Variants in RAB38 observed in about 807,000 individuals in gnomAD.
The protein encoded by RAB38 is ras-related protein Rab-38.
RAB38 carries 15 observed loss-of-function variants against 18.4 expected under a neutral mutation model. The observed-to-expected ratio is 0.82, with a 90% CI of 0.55 to 1.26. The LOEUF is 1.26. Ranked by LOEUF, RAB38 falls within the 50% of genes most tolerant of loss-of-function variation. The pLI, the probability that RAB38 is intolerant of heterozygous loss-of-function variation, is 0.00. For missense variants in RAB38, 294 were observed against 267.4 expected (o/e 1.10, Z -0.69); for synonymous variants, 101 against 104.4 (o/e 0.97, Z 0.20).
chr11:87,947,583 A>T, the RAB38 span, among the ~76,000 whole-genome samples: 1 of 152,006 alleles, frequency 6.6e-6, no homozygotes, highest in Non-Finnish European at 1.5e-5. Context: ...TAAGGAAGGC[A>T]TCCAGTTTCA....
chr11:87,909,239 G>A, the RAB38 span, among the ~76,000 whole-genome samples: 12 of 151,956 alleles, frequency 7.9e-5, no homozygotes, highest in African/African-American at 2.9e-4. Flanking sequence ...ACTTGTATTA[G>A]CATTTACTAG....
the RAB38 span, among the ~76,000 whole-genome samples, chr11:88,024,908 CA>C: frequency 0.05 from 5,832 of 117,476 alleles, 142 homozygotes; most frequent in Middle Eastern, 0.085. Flanking sequence ...TTAATGGGCA[CA>C]AAAAAAATAG....
chr11:88,027,699 T>C, the RAB38 span, among the ~76,000 whole-genome samples: 3 of 152,246 alleles, frequency 2.0e-5, no homozygotes, highest in Middle Eastern at 0.01. Flanking sequence ...CAGGCTTGCT[T>C]AGGTAAACAA....
chr11:87,851,104 G>T, the RAB38 span, among the ~76,000 whole-genome samples: 2 of 152,170 alleles, frequency 1.3e-5, no homozygotes, highest in Non-Finnish European at 2.9e-5. Flanking sequence ...TTGAAAAAAA[G>T]TATAGACAGT....
At chr11:87,955,062 G>C in the RAB38 span, among the ~76,000 whole-genome samples, 1 of 152,210 alleles carries the variant, frequency 6.6e-6, no homozygotes, top group Non-Finnish European at 1.5e-5. Flanking sequence ...AAGAGCAGGA[G>C]CATAGTGGGA....
At chr11:87,920,871 C>G in the RAB38 span, among the ~76,000 whole-genome samples, 1 of 151,944 alleles carries the variant, frequency 6.6e-6, no homozygotes, top group South Asian at 2.1e-4. Context: ...TGAATTGATT[C>G]CTTTATCATT....
At chr11:88,078,517 G>GTGTGTGTGTA in the RAB38 span, among the ~76,000 whole-genome samples, 12 of 146,988 alleles carry the variant, frequency 8.2e-5, no homozygotes, top group African/African-American at 3.3e-4. Context: ...GTGTGTGTGT[G>GTGTGTGTGTA]TGTACAGTGG....
At chr11:88,136,102 G>T (rs551752572) in intron 2 of RAB38, among the ~76,000 whole-genome samples, 1 of 152,254 alleles carries the variant, frequency 6.6e-6, no homozygotes, top group South Asian at 2.1e-4. Flanking sequence ...ATTATCCCTA[G>T]GGCTATTCCA....
At chr11:87,916,285 T>A in the RAB38 span, among the ~76,000 whole-genome samples, 1 of 152,048 alleles carries the variant, frequency 6.6e-6, no homozygotes. Context: ...TGAAATTTGA[T>A]CCCCAATGTG....
the RAB38 span, among the ~76,000 whole-genome samples, chr11:87,849,204 G>A: frequency 6.6e-6 from 1 of 152,052 alleles, no homozygotes; most frequent in Non-Finnish European, 1.5e-5. Flanking sequence ...AGCAGTAAGG[G>A]CACAATACCC....
chr11:88,142,701 G>C (rs1304195483), intron 2 of RAB38, among the ~76,000 whole-genome samples: 1 of 152,172 alleles, frequency 6.6e-6, no homozygotes, highest in Non-Finnish European at 1.5e-5. Flanking sequence ...GCTGGACTTT[G>C]TTGGGCAAAA....
chr11:88,155,447 C>A (rs565183684), intron 1 of RAB38, among the ~76,000 whole-genome samples: 1 of 151,570 alleles, frequency 6.6e-6, no homozygotes, highest in South Asian at 2.1e-4. Context: ...GAAGCAAAAC[C>A]AAAAGACCCC....
the RAB38 span, among the ~76,000 whole-genome samples, chr11:88,050,776 G>C: frequency 3.3e-5 from 5 of 152,256 alleles, no homozygotes; most frequent in Admixed American, 3.3e-4. Context: ...ACAGAGTATA[G>C]CTGCAAAACC....
At chr11:88,053,416 C>CACACACATATATATGGAATATATATATAT in the RAB38 span, among the ~76,000 whole-genome samples, 2 of 95,652 alleles carry the variant, frequency 2.1e-5, no homozygotes, top group African/African-American at 3.6e-5. Context: ...TATATATATA[C>CACACACATATATATGGAATATATATATAT]ACACACATAT....
the RAB38 span, among the ~76,000 whole-genome samples, chr11:88,078,662 G>A: frequency 6.6e-6 from 1 of 151,834 alleles, no homozygotes; most frequent in African/African-American, 2.4e-5. Context: ...TCATATTTGG[G>A]AGCTTAAAAA....
the RAB38 span, among the ~76,000 whole-genome samples, chr11:88,032,320 G>A: frequency 5.3e-5 from 8 of 152,162 alleles, no homozygotes; most frequent in Admixed American, 2.0e-4. Context: ...ATAGGCATGG[G>A]CAAGGACTTC....
At chr11:88,096,470 C>T in the RAB38 span, among the ~76,000 whole-genome samples, 1 of 151,916 alleles carries the variant, frequency 6.6e-6, no homozygotes, top group African/African-American at 2.4e-5. Context: ...GTCTACCTTT[C>T]TCTGCAAAAC....
chr11:88,166,766 A>C (rs1421253108), intron 1 of RAB38: 1 of 152,174 alleles, frequency 6.6e-6, no homozygotes, highest in Non-Finnish European at 1.5e-5. Context: ...TGGAAAAAAA[A>C]TAGAATGTCT....
At chr11:87,873,922 G>GTGTATATATATATATA in the RAB38 span, among the ~76,000 whole-genome samples, 27 of 103,104 alleles carry the variant, frequency 2.6e-4, no homozygotes, top group African/African-American at 8.4e-4. Context: ...GTGTGTGTGT[G>GTGTATATATATATATA]TATATATATA....
Sources: gnomAD v4.1 joint callset for allele counts (sites outside exome capture counted in the v4.1 genomes callset) on GRCh38, gnomAD v4.1.1 for gene constraint, MANE v1.5 for transcripts, NCBI Gene and HGNC (gene_info 2026-07-23, HGNC 2026-07-21) for gene names.